The following MAEL variants were observed in gnomAD, a reference collection of about 807,000 sequenced individuals.
The protein encoded by MAEL is protein maelstrom homolog.
In MAEL, 46 loss-of-function variants were observed where a neutral mutation model predicts 62.0. That is an observed-to-expected ratio of 0.74 (90% CI 0.59 to 0.95). The LOEUF is 0.95. Ranked by LOEUF, MAEL falls within the 40% of genes least tolerant of loss-of-function variation. The pLI is 0.00. For synonymous variants in MAEL, 172 were observed against 175.5 expected, an observed-to-expected ratio of 0.98 and a Z score of 0.16; for missense variants, 497 against 526.8, an observed-to-expected ratio of 0.94 and a Z score of 0.55.
At chr1:166,986,945 C>CGT (rs58393275), upstream of MAEL, among the ~76,000 whole-genome samples, 12,251 of 146,990 alleles carry the variant, frequency 0.083, 512 homozygotes, top group Middle Eastern at 0.12. Flanking sequence ...AGGAAGGGGA[C>CGT]GTGTGTGTGT....
Position 166,992,738 on chromosome 1 carries a change from A to G in MAEL, c.378A>G (p.Leu126=). 6.2e-7 allele frequency: 1 copy of G among 1,608,804 alleles called. No homozygotes were observed. Among genetic ancestry groups the G allele is most frequent in the Non-Finnish European group, 8.5e-7 (1 of 1,178,310 alleles). The change falls in exon 4 of 12, where the codon CTA becomes CTG. Residue 126 remains leucine, a synonymous_variant. Transcript: ENST00000367872. Reference sequence around the variant, plus strand: ...TGAACATTTTTAGCCATGGCGAGCTACCTCCTCATTGTGAACAGCGCTTCC... The same window carrying G: ...TGAACATTTTTAGCCATGGCGAGCTGCCTCCTCATTGTGAACAGCGCTTCC... The part of the protein sequence containing the change: ...YFLNIFSHGE[L]PPHCEQRFLP...
intron 5 of MAEL, among the ~76,000 whole-genome samples, chr1:166,996,288 A>G: frequency 6.6e-6 from 1 of 152,180 alleles, no homozygotes; most frequent in Non-Finnish European, 1.5e-5. Flanking sequence ...GGATCTCTCA[A>G]ATACTCCTGT....
intron 5 of MAEL, among the ~76,000 whole-genome samples, chr1:167,003,775 A>G (rs942722254): frequency 6.6e-6 from 1 of 152,168 alleles, no homozygotes; most frequent in Non-Finnish European, 1.5e-5. Flanking sequence ...AGTGGGTGTC[A>G]TCATATAACT....
upstream of MAEL, among the ~76,000 whole-genome samples, chr1:166,988,529 GA>G (rs1009577280): frequency 5.9e-5 from 9 of 151,886 alleles, no homozygotes; most frequent in African/African-American, 2.2e-4. Flanking sequence ...AACGTAATTA[GA>G]AAACCGAGAG....
At chr1:167,003,329 T>C (rs1462541095) in intron 5 of MAEL, among the ~76,000 whole-genome samples, 8 of 152,228 alleles carry the variant, frequency 5.3e-5, no homozygotes. Flanking sequence ...ATGTAAAATC[T>C]GTCTATTCAA....
At chr1:167,006,449 C>A (rs1349710618) in intron 8 of MAEL, among the ~76,000 whole-genome samples, 1 of 151,524 alleles carries the variant, frequency 6.6e-6, no homozygotes, top group Non-Finnish European at 1.5e-5. Context: ...GGCAGGAATA[C>A]CACAGAAGGG....
chr1:166,994,106 A>G, intron 5 of MAEL, 37 bp downstream of exon 5: 1 of 1,567,614 alleles, frequency 6.4e-7, no homozygotes, highest in Non-Finnish European at 8.8e-7. Context: ...TTGTGACTTG[A>G]ATCTATTCAT....
intron 1 of MAEL, among the ~76,000 whole-genome samples, chr1:166,981,460 T>G (rs1054916456): frequency 4.6e-5 from 7 of 152,112 alleles, no homozygotes; most frequent in Non-Finnish European, 1.0e-4. Context: ...TTATGTCAAA[T>G]AGCTTACATT....
In MAEL at chr1:167,006,601, C is replaced by CCATATATA. The variant is rs1295162731; in HGVS notation, c.845+1204_845+1205insCATATATA. On this transcript the variant is annotated intron_variant, in intron 8 of 11. Transcript: ENST00000367872. Reference sequence around the variant, plus strand: ...CTATTGGAAAGTTACTGGTTTTTTACTATATATATATATATATATATATAT... The same window carrying CCATATATA: ...CTATTGGAAAGTTACTGGTTTTTTACCATATATATATATATATATATATATATATATAT... Among the ~76,000 whole-genome samples, 386 of 98,018 alleles carry CCATATATA rather than the reference C, an allele frequency of 3.9e-3. 10 individuals are homozygous for CCATATATA. Among genetic ancestry groups the CCATATATA allele is most frequent in the African/African-American group, 0.012 (339 of 28,776 alleles). The allele number at this position is 98,018 out of a possible 152,430, so 64.3% of individuals were successfully genotyped here. A position where few individuals can be genotyped will look rare whatever the true frequency, so the allele number is the denominator to read the frequency against.
chr1:167,000,662 G>T (rs1324365934), intron 5 of MAEL, among the ~76,000 whole-genome samples: 1 of 152,216 alleles, frequency 6.6e-6, no homozygotes, highest in African/African-American at 2.4e-5. Context: ...AATTCTTCAT[G>T]AGAGGAAGAG....
intron 10 of MAEL, among the ~76,000 whole-genome samples, chr1:167,019,749 C>T (rs1358199898): frequency 6.6e-6 from 1 of 152,042 alleles, no homozygotes; most frequent in Non-Finnish European, 1.5e-5. Context: ...TCCTGTTATC[C>T]AGGATGTAGT....
rs188285014 is a variant in MAEL at position 166,989,690 on chromosome 1, G to A, written c.133-47G>A. 16 of 1,582,720 alleles carry A rather than the reference G, an allele frequency of 1.0e-5. No individual in the cohort carries two copies. The East Asian group carries it at 3.4e-4, about 33-fold the overall frequency. ...ATCTGCCTGCGGGCCCTAGAGCACG[G>A]GATCCTCACGGCTGTTTCTCTTCTT... On this transcript the variant is annotated intron_variant, in intron 1 of 11. Transcript: ENST00000367872.
chr1:167,017,397 C>T (rs555209213), intron 9 of MAEL, among the ~76,000 whole-genome samples: 1 of 152,290 alleles, frequency 6.6e-6, no homozygotes, highest in Admixed American at 6.5e-5. Flanking sequence ...TACTCTAACA[C>T]ATAGGTCTTT....
At chr1:166,992,895 A>G in intron 4 of MAEL, 54 bp downstream of exon 4, 1 of 1,379,810 alleles carries the variant, frequency 7.2e-7, no homozygotes, top group Admixed American at 2.6e-5. Context: ...TTTTTTTTTA[A>G]ATCTTGACTT....
chr1:167,010,381 T>TG lies in MAEL; in HGVS notation c.845+4990dup, dbSNP rs1557984702. On this transcript the variant is annotated intron_variant, in intron 8 of 11. Transcript: ENST00000367872. ...GTTTTTCCCCTCCTTCATGTTTTTTTGGGGGGTGGGGGTATGAGAAATTAT... is the reference window on the plus strand; with the variant it reads ...GTTTTTCCCCTCCTTCATGTTTTTTTGGGGGGGTGGGGGTATGAGAAATTAT... 2.6e-5 allele frequency among the ~76,000 whole-genome samples: 4 copies of TG among 152,172 alleles called. No individual in the cohort carries two copies. The South Asian group carries it at 6.2e-4, about 24-fold the overall frequency.
intron 8 of MAEL, among the ~76,000 whole-genome samples, chr1:167,005,799 T>G (rs986554060): frequency 3.3e-5 from 5 of 152,198 alleles, no homozygotes; most frequent in Non-Finnish European, 7.3e-5. Flanking sequence ...TTTACTATTC[T>G]CTGTTTCCTT....
At chr1:166,985,988 A>G (rs1262575562), upstream of MAEL, among the ~76,000 whole-genome samples, 2 of 152,200 alleles carry the variant, frequency 1.3e-5, no homozygotes, top group African/African-American at 4.8e-5. Context: ...AGATTTTTAG[A>G]TTTTTTAAAA....
At chr1:166,999,626 C>G (rs1021753681) in intron 5 of MAEL, among the ~76,000 whole-genome samples, 1 of 152,174 alleles carries the variant, frequency 6.6e-6, no homozygotes, top group Non-Finnish European at 1.5e-5. Context: ...GATAACTGAT[C>G]AAGGTGGCTA....
At chr1:166,996,830 A>AT (rs983801327) in intron 5 of MAEL, among the ~76,000 whole-genome samples, 2 of 151,986 alleles carry the variant, frequency 1.3e-5, no homozygotes, top group African/African-American at 2.4e-5. Flanking sequence ...CGTGGGCCAC[A>AT]TTTTTTCTTT....
Sources: gnomAD v4.1 joint callset for allele counts (sites outside exome capture counted in the v4.1 genomes callset) on GRCh38, gnomAD v4.1.1 for gene constraint, MANE v1.5 for transcripts, NCBI Gene and HGNC (gene_info 2026-07-23, HGNC 2026-07-21) for gene names.